Variants in DEF6 observed in about 807,000 individuals in gnomAD.
DEF6 encodes the protein differentially expressed in FDCP 6 homolog.
A neutral mutation model predicts 80.5 loss-of-function variants in DEF6; 32 were observed. The observed-to-expected ratio is 0.40, with a 90% CI of 0.30 to 0.53. The LOEUF (loss-of-function observed/expected upper bound fraction) is 0.53. Ranked by LOEUF, DEF6 falls within the 20% of genes least tolerant of loss-of-function variation. The pLI is 0.57. For missense variants in DEF6, 575 were observed against 818.7 expected (o/e 0.70, Z 3.63); for synonymous variants, 300 against 337.9 (o/e 0.89, Z 1.23).
At chr6:35,309,399 T>C (rs1488237378) in intron 1 of DEF6, among the ~76,000 whole-genome samples, 1 of 152,200 alleles carries the variant, frequency 6.6e-6, no homozygotes, top group African/African-American at 2.4e-5. Context: ...GCTGTGACCT[T>C]GGGTGAGAAA....
chr6:35,310,774 T>C, intron 3 of DEF6, 130 bp downstream of exon 3: 1 of 987,116 alleles, frequency 1.0e-6, no homozygotes, highest in African/African-American at 1.6e-5. Context: ...CCCATGCTGG[T>C]ATCTGTCCTC....
intron 1 of DEF6, 129 bp downstream of exon 1, chr6:35,298,081 C>CG (rs896919804): frequency 3.6e-6 from 3 of 839,502 alleles, no homozygotes; most frequent in African/African-American, 3.4e-5. Context: ...GGCCTGGGGT[C>CG]GGGGGGCTGG....
Position 35,312,576 on chromosome 6 carries a change from G to A in DEF6, c.660+38G>A, listed in dbSNP as rs1791482139. On this transcript the variant is annotated intron_variant, in intron 4 of 10. Coordinates refer to ENST00000316637, the MANE Select transcript of DEF6 (RefSeq NM_022047.4). The surrounding 1 kb of genome is among the most constrained non-coding windows in gnomAD (Gnocchi z 6.6). Reference sequence around the variant, plus strand: ...GGGAACTAGGGGAAGCACACAAGGTGCAGGGCGAAGGGGGGCCTGGGAAGC... The same window carrying A: ...GGGAACTAGGGGAAGCACACAAGGTACAGGGCGAAGGGGGGCCTGGGAAGC... 5.0e-6 allele frequency: 8 copies of A among 1,614,030 alleles called. No individual in the cohort carries two copies. Among genetic ancestry groups the A allele is most frequent in the Admixed American group, 1.7e-5 (1 of 60,006 alleles).
rs1791439766 is a variant in DEF6 at position 35,309,785 on chromosome 6, A to G, written c.212A>G (p.Tyr71Cys). 6.2e-7 allele frequency: 1 copy of G among 1,613,922 alleles called. No individual in the cohort carries two copies. The highest frequency in any genetic ancestry group is 8.5e-7 in the Non-Finnish European group (1 of 1,180,000). ...GTGTCCAGCCAGGGATACATGCCCT[A>G]CCTCAACAAGTACATCCTGGACAAG... ...GPVSSQGYMPYLNKYILDKVE... is the reference protein window; with the variant it reads ...GPVSSQGYMPCLNKYILDKVE... Residue 71 changes from tyrosine (Y) to cysteine (C), a missense_variant, in exon 2 of 11, where the codon TAC becomes TGC. Physicochemically the swap from Tyr to Cys is radical, Grantham distance 194 (BLOSUM62 -2). Transcript: ENST00000316637.
chr6:35,315,705 G>A (rs896547711), intron 5 of DEF6, among the ~76,000 whole-genome samples: 48 of 152,176 alleles, frequency 3.2e-4, no homozygotes, highest in South Asian at 1.0e-3. Flanking sequence ...CTTTGTAGCT[G>A]TTGGAAATGG....
chr6:35,311,975 G>A (rs1791474353), intron 3 of DEF6, among the ~76,000 whole-genome samples: 2 of 152,190 alleles, frequency 1.3e-5, no homozygotes, highest in Admixed American at 6.5e-5. Flanking sequence ...GGATGAGAGG[G>A]CCTTTGCACT....
rs759691354 is a variant in DEF6, at chr6:35,297,888, T to C, written c.32T>C (p.Ile11Thr). 1 of 1,607,722 alleles carries C rather than the reference T, an allele frequency of 6.2e-7. No individual in the cohort carries two copies. The highest frequency in any genetic ancestry group is 8.5e-7 in the Non-Finnish European group (1 of 1,177,618). Reference sequence around the variant, plus strand: ...CTGCGCAAGGAACTGCTCAAGTCCATCTGGTACGCCTTTACCGCGCTGGAC... The same window carrying C: ...CTGCGCAAGGAACTGCTCAAGTCCACCTGGTACGCCTTTACCGCGCTGGAC... Reference protein sequence around the residue: MALRKELLKSIWYAFTALDVE... With the variant: MALRKELLKSTWYAFTALDVE... Residue 11 changes from isoleucine to threonine, a missense_variant, in exon 1 of 11, where the codon ATC becomes ACC. Transcript: ENST00000316637.
In DEF6 at chr6:35,297,831, C is replaced by T. The variant is rs1488309377; in HGVS notation, c.-26C>T. Reference sequence around the variant, plus strand: ...AAACCGGATCTTAGTGTCAGAGCCGCCCCCAGCCGGGCGGGCGCCTCAGCC... The same window carrying T: ...AAACCGGATCTTAGTGTCAGAGCCGTCCCCAGCCGGGCGGGCGCCTCAGCC... On this transcript the variant is annotated 5_prime_UTR_variant, in exon 1 of 11. Coordinates refer to ENST00000316637, the MANE Select transcript of DEF6 (RefSeq NM_022047.4). 4.5e-6 allele frequency: 7 copies of T among 1,567,048 alleles called. No individual in the cohort carries two copies. The highest frequency in any genetic ancestry group is 1.3e-5 in the African/African-American group (1 of 74,368).
Position 35,309,715 on chromosome 6 carries a change from C to G in DEF6, c.142C>G (p.Pro48Ala), listed in dbSNP as rs768988600. 3.7e-6 allele frequency: 6 copies of G among 1,614,054 alleles called. No individual in the cohort carries two copies. The highest frequency in any genetic ancestry group is 5.1e-6 in the Non-Finnish European group (6 of 1,180,006). Residue 48 changes from proline to alanine, a missense_variant, in exon 2 of 11, where the codon CCC becomes GCC. By Grantham distance (27) the Pro-to-Ala change is conservative (BLOSUM62 -1). Coordinates refer to ENST00000316637, the MANE Select transcript of DEF6 (RefSeq NM_022047.4). ...LYTVLHIPHDPVALEEHFRDD... is the reference protein window; with the variant it reads ...LYTVLHIPHDAVALEEHFRDD... ...CACGGTCCTGCACATCCCCCATGAC[C>G]CCGTGGCCCTGGAGGAACACTTCCG...
intron 5 of DEF6, chr6:35,313,422 G>A (rs1791492053): frequency 2.9e-6 from 1 of 345,464 alleles, no homozygotes; most frequent in Non-Finnish European, 5.6e-6. Flanking sequence ...ATCAAATCAT[G>A]TCATTAGGTA....
intron 1 of DEF6, among the ~76,000 whole-genome samples, 196 bp from the exon 2 acceptor site, chr6:35,309,474 A>G (rs902910204): frequency 2.6e-5 from 4 of 152,176 alleles, no homozygotes; most frequent in Non-Finnish European, 5.9e-5. Flanking sequence ...ATGGTGGTTA[A>G]GCAAATGATA....
intron 9 of DEF6, among the ~76,000 whole-genome samples, chr6:35,320,560 C>T (rs1462192850): frequency 6.6e-6 from 1 of 152,160 alleles, no homozygotes; most frequent in East Asian, 1.9e-4. Context: ...AGTCACTTAA[C>T]CTCTTTTGAA....
At position 35,297,887 on chromosome 6, in the gene DEF6, A is replaced by G. The variant is rs1791257587; in HGVS notation, c.31A>G (p.Ile11Val). ...CCTGCGCAAGGAACTGCTCAAGTCC[A>G]TCTGGTACGCCTTTACCGCGCTGGA... MALRKELLKSIWYAFTALDVE... is the reference protein window; with the variant it reads MALRKELLKSVWYAFTALDVE... Residue 11 changes from isoleucine to valine, a missense_variant, in exon 1 of 11, where the codon ATC becomes GTC. Ile to Val is a conservative substitution (Grantham distance 29). Transcript: ENST00000316637. 4 of 1,607,590 alleles carry G rather than the reference A, an allele frequency of 2.5e-6. No individual in the cohort carries two copies. The highest frequency in any genetic ancestry group is 3.4e-6 in the Non-Finnish European group (4 of 1,177,564).
In DEF6 at chr6:35,319,731, C is replaced by A. The variant is rs748825458; in HGVS notation, c.1382+41C>A. On this transcript the variant is annotated intron_variant, in intron 8 of 10. Transcript: ENST00000316637. The surrounding 1 kb of genome is among the most constrained non-coding windows in gnomAD (Gnocchi z 4.5). ...CTCTTCTGGTTCTCTCACCACCCCT[C>A]CTGGAACACACCCCAGTTTTCCTGC... 1 of 1,609,280 alleles carries A rather than the reference C, an allele frequency of 6.2e-7. No individual in the cohort carries two copies. Among genetic ancestry groups the A allele is most frequent in the Non-Finnish European group, 8.5e-7 (1 of 1,176,602 alleles).
intron 1 of DEF6, among the ~76,000 whole-genome samples, chr6:35,305,674 A>G (rs1024204980): frequency 6.6e-6 from 1 of 151,844 alleles, no homozygotes; most frequent in East Asian, 1.9e-4. Context: ...CCCAGGTTCA[A>G]GCAATTCTCC....
In DEF6 at chr6:35,303,019, T is replaced by G. The variant is rs141729116; in HGVS notation, c.96+5067T>G. ...AACTCCTCTGTCACTGCCATTTCCT[T>G]TGCAGCATGACCCCTCCCCTAGTCA... On this transcript the variant is annotated intron_variant, in intron 1 of 10. Transcript: ENST00000316637. Among the ~76,000 whole-genome samples the G allele has an allele frequency of 2.8e-3, 425 of 152,208 alleles. 3 individuals are homozygous for G. Among genetic ancestry groups the G allele is most frequent in the African/African-American group, 9.4e-3 (389 of 41,522 alleles).
intron 5 of DEF6, among the ~76,000 whole-genome samples, chr6:35,317,284 C>T (rs1452316221): frequency 6.6e-6 from 1 of 152,182 alleles, no homozygotes. Context: ...CTCTTAGTGC[C>T]TCAGTTTCTT....
At chr6:35,315,838 T>C (rs1291604149) in intron 5 of DEF6, among the ~76,000 whole-genome samples, 3 of 150,912 alleles carry the variant, frequency 2.0e-5, no homozygotes, top group African/African-American at 7.3e-5. Flanking sequence ...CGGTTTTTTG[T>C]TGGAGTCCCT....
Position 35,312,828 on chromosome 6 carries a change from C to A in DEF6, c.807+56C>A. The stretch of plus-strand genomic sequence containing the variant: ...TCAGGGCCCAGAGTGTCCTCAGGGG[C>A]ATGAGAAGACAAGGGGGTCAGGAGA... On this transcript the variant is annotated intron_variant, in intron 5 of 10. Coordinates refer to ENST00000316637, the MANE Select transcript of DEF6 (RefSeq NM_022047.4). The surrounding 1 kb of genome is among the most constrained non-coding windows in gnomAD (Gnocchi z 6.6). 32 of 1,478,472 alleles carry A rather than the reference C, an allele frequency of 2.2e-5. No homozygotes were observed. The highest frequency in any genetic ancestry group is 2.5e-5 in the Non-Finnish European group (27 of 1,085,624). 91.6% of individuals were successfully genotyped at this position (1,478,472 alleles called of 1,614,324 possible).
Sources: gnomAD v4.1 joint callset for allele counts (sites outside exome capture counted in the v4.1 genomes callset) on GRCh38, gnomAD v4.1.1 for gene constraint, Gnocchi (gnomAD v3.1) non-coding constraint, MANE v1.5 for transcripts, NCBI Gene and HGNC (gene_info 2026-07-23, HGNC 2026-07-21) for gene names.